Variants in USP24 observed in about 807,000 individuals in gnomAD.
USP24 encodes the protein ubiquitin carboxyl-terminal hydrolase 24.
USP24 carries 97 observed loss-of-function variants against 361.6 expected under a neutral mutation model. That is an observed-to-expected ratio of 0.27 (90% CI 0.23 to 0.32). USP24 has a LOEUF of 0.32. Ranked by LOEUF, USP24 falls within the 10% of genes least tolerant of loss-of-function variation. The pLI is 1.00. For synonymous variants in USP24, 1,098 were observed against 1,124.6 expected, an observed-to-expected ratio of 0.98 and a Z score of 0.47; for missense variants, 2,353 against 3,165.6, an observed-to-expected ratio of 0.74 and a Z score of 6.16.
At chr1:55,115,190 C>G (rs1646070723) in intron 38 of USP24, among the ~76,000 whole-genome samples, 1 of 152,116 alleles carries the variant, frequency 6.6e-6, no homozygotes, top group Admixed American at 6.5e-5. Context: ...GAGATACCAT[C>G]TTACATGGTA....
chr1:55,151,121 T>C (rs1045925817), intron 16 of USP24, among the ~76,000 whole-genome samples: 3 of 152,228 alleles, frequency 2.0e-5, no homozygotes, highest in African/African-American at 7.2e-5. Context: ...TCTGCATAAC[T>C]TCTTTGGAGA....
At chr1:55,081,179 G>T in intron 59 of USP24, 143 bp downstream of exon 59, 1 of 755,578 alleles carries the variant, frequency 1.3e-6, no homozygotes. Context: ...AGTTTAACAT[G>T]AATTAAAACA....
intron 28 of USP24, among the ~76,000 whole-genome samples, chr1:55,136,741 A>G (rs1646746765): frequency 6.6e-6 from 1 of 152,098 alleles, no homozygotes; most frequent in African/African-American, 2.4e-5. Flanking sequence ...GAGATACAAC[A>G]AGGCTGTGGG....
At position 55,154,795 on chromosome 1, in the gene USP24, T is replaced by C. The variant is rs1440771397; in HGVS notation, c.1447-17A>G. ...TTGTCCTGACTGGAAAAGGAAACATTGGAAAAAAATTAAGTCTTGGAACTC... is the reference window on the plus strand; with the variant it reads ...TTGTCCTGACTGGAAAAGGAAACATCGGAAAAAAATTAAGTCTTGGAACTC... On this transcript the variant is annotated splice_polypyrimidine_tract_variant and intron_variant, in intron 12 of 67. Coordinates refer to ENST00000294383, the MANE Select transcript of USP24 (RefSeq NM_015306.3). The C allele has an allele frequency of 6.3e-7, 1 of 1,595,480 alleles. No individual in the cohort carries two copies. Among genetic ancestry groups the C allele is most frequent in the South Asian group, 1.1e-5 (1 of 88,128 alleles).
chr1:55,126,678 G>T lies in USP24; in HGVS notation c.3636-920C>A, dbSNP rs962727075. Reference sequence around the variant, plus strand: ...TGTACTAAAAACACCTCTACAGTGTGGAACACAGAATAAAGCTACACATGT... The same window carrying T: ...TGTACTAAAAACACCTCTACAGTGTTGAACACAGAATAAAGCTACACATGT... On this transcript the variant is annotated intron_variant, in intron 32 of 67. Transcript: ENST00000294383. 2.6e-5 allele frequency among the ~76,000 whole-genome samples: 4 copies of T among 152,202 alleles called. No homozygotes were observed. In the South Asian group the frequency reaches 8.3e-4, roughly 32 times the overall value.
chr1:55,118,365 T>G (rs1646181511), intron 38 of USP24, among the ~76,000 whole-genome samples: 1 of 152,220 alleles, frequency 6.6e-6, no homozygotes, highest in African/African-American at 2.4e-5. Flanking sequence ...AAGGATAGTA[T>G]TTTTAAAAAG....
chr1:55,153,812 T>C, intron 16 of USP24, 58 bp downstream of exon 16: 1 of 1,427,570 alleles, frequency 7.0e-7, no homozygotes, highest in Non-Finnish European at 9.6e-7. Flanking sequence ...GTGTAATTTA[T>C]TAAAGGAAAT....
chr1:55,078,273 T>C (rs1363307382), intron 61 of USP24, among the ~76,000 whole-genome samples: 1 of 150,490 alleles, frequency 6.6e-6, no homozygotes, highest in East Asian at 2.0e-4. Context: ...TCATTTCTTA[T>C]TTATTTATTT....
At chr1:55,154,649 G>A (rs772120356) in intron 13 of USP24, 22 bp downstream of exon 13, 10 of 1,602,580 alleles carry the variant, frequency 6.2e-6, no homozygotes, top group Non-Finnish European at 8.5e-6. Context: ...TTAAAAGTAA[G>A]CAAGTCTGAC....
At chr1:55,137,007 C>T (rs1431634586) in intron 28 of USP24, among the ~76,000 whole-genome samples, 2 of 152,028 alleles carry the variant, frequency 1.3e-5, no homozygotes, top group African/African-American at 2.4e-5. Context: ...GGGAACTTCT[C>T]AGTACAGAGA....
chr1:55,133,640 T>A (rs200388045), intron 30 of USP24, among the ~76,000 whole-genome samples: 14 of 11,486 alleles, frequency 1.2e-3, no homozygotes, highest in Non-Finnish European at 2.5e-3. Context: ...CTCTCTCTCT[T>A]TTTTTTTTTT....
chr1:55,097,757 T>A (rs773709714), intron 47 of USP24, 40 bp from the exon 48 acceptor site: 1 of 1,519,878 alleles, frequency 6.6e-7, no homozygotes. Flanking sequence ...ATCTGAATGA[T>A]CTCCATGGAG....
chr1:55,168,918 T>G (rs1447876460), intron 5 of USP24, among the ~76,000 whole-genome samples: 1 of 152,116 alleles, frequency 6.6e-6, no homozygotes, highest in Non-Finnish European at 1.5e-5. Context: ...CCTCCTAGAT[T>G]AAATGCTAAG....
chr1:55,147,032 G>A lies in USP24; in HGVS notation c.2147C>T (p.Ala716Val), dbSNP rs1376564420. 5 of 1,591,284 alleles carry A rather than the reference G, an allele frequency of 3.1e-6. No individual in the cohort carries two copies. The highest frequency in any genetic ancestry group is 4.3e-6 in the Non-Finnish European group (5 of 1,171,620). The part of the protein sequence containing the change: ...EYLEAHLKFL[A>V]FFLQEATLYL... The stretch of plus-strand genomic sequence containing the variant: ...CAGAGTAGCTTCTTGCAAGAAAAAC[G>A]CTAGAAATTTTAGATGTGCCTCTAA... Residue 716 changes from alanine (A) to valine (V), a missense_variant, in exon 19 of 68, where the codon GCG (alanine) becomes GTG (valine). Coordinates refer to ENST00000294383, the MANE Select transcript of USP24 (RefSeq NM_015306.3).
chr1:55,121,681 A>G (rs896023046), intron 36 of USP24, among the ~76,000 whole-genome samples, 175 bp from the exon 37 acceptor site: 1 of 152,232 alleles, frequency 6.6e-6, no homozygotes, highest in African/African-American at 2.4e-5. Context: ...TAAAATTCTA[A>G]GTTGTTCAAG....
chr1:55,195,011 TAAAACAAAACAAAAC>T (rs71048727), intron 1 of USP24, among the ~76,000 whole-genome samples: 25 of 151,770 alleles, frequency 1.6e-4, no homozygotes, highest in African/African-American at 6.1e-4. Flanking sequence ...TGATCTTCCT[TAAAACAAAACAAAAC>T]AAAACAAAAC....
chr1:55,207,128 A>C (rs943051708), intron 1 of USP24, among the ~76,000 whole-genome samples: 1 of 152,196 alleles, frequency 6.6e-6, no homozygotes, highest in Non-Finnish European at 1.5e-5. Flanking sequence ...GCTGCATTGC[A>C]GTCTGGGTGA....
chr1:55,185,074 C>A (rs1254675170), intron 1 of USP24, among the ~76,000 whole-genome samples: 1 of 151,994 alleles, frequency 6.6e-6, no homozygotes, highest in Non-Finnish European at 1.5e-5. Context: ...CCTCCCACTT[C>A]CCAGCTCCCC....
rs375645583 is a variant in USP24, at chr1:55,069,111, C to A, written c.7801-4G>T. ...TCATCATGGGAGATTCTGAACCCTG[C>A]AGAAAAGAAAAGGAAGTTAAAGTTC... On this transcript the variant is annotated splice_polypyrimidine_tract_variant and splice_region_variant and intron_variant, in intron 67 of 67. Transcript: ENST00000294383. 1.3e-4 allele frequency: 214 copies of A among 1,613,876 alleles called. 1 individual carries two copies. The African/African-American group carries it at 2.4e-3, about 18-fold the overall frequency.
Sources: gnomAD v4.1 joint callset for allele counts (sites outside exome capture counted in the v4.1 genomes callset) on GRCh38, gnomAD v4.1.1 for gene constraint, MANE v1.5 for transcripts, NCBI Gene and HGNC (gene_info 2026-07-23, HGNC 2026-07-21) for gene names.